The following UBE2F variants were observed in gnomAD, a reference collection of about 807,000 sequenced individuals.
UBE2F encodes ubiquitin conjugating enzyme E2 F (putative).
Under a neutral mutation model 29.6 loss-of-function variants are expected in UBE2F, and 5 were observed. That is an observed-to-expected ratio of 0.17 (90% CI 0.09 to 0.36). UBE2F has a LOEUF of 0.36. Among genes scored for constraint, UBE2F ranks in the 10% least tolerant of loss-of-function variants. The pLI, the probability that UBE2F is intolerant of heterozygous loss-of-function variation, is 1.00. For missense variants in UBE2F, 141 were observed against 228.5 expected (o/e 0.62, Z 2.47); for synonymous variants, 66 against 81.8 (o/e 0.81, Z 1.04).
chr2:237,982,133 C>T lies in UBE2F; in HGVS notation c.119-5830C>T, dbSNP rs2063391644. On this transcript the variant is annotated intron_variant, in intron 2 of 9. Transcript: ENST00000272930. This position sits in a 1 kb window ranked among gnomAD's most constrained non-coding sequence, Gnocchi z 4.1. ...GTAAATTGGTCCCTGACAAAGCTGT[C>T]AAATGTCAAACCAGCAAAACACTCC... Among the ~76,000 whole-genome samples the T allele has an allele frequency of 6.6e-6, 1 of 152,192 alleles. No individual in the cohort carries two copies. Among genetic ancestry groups the T allele is most frequent in the Non-Finnish European group, 1.5e-5 (1 of 68,038 alleles).
At chr2:238,017,412 G>A (rs10172855) in intron 5 of UBE2F, among the ~76,000 whole-genome samples, 6,765 of 152,252 alleles carry the variant, frequency 0.044, 523 homozygotes, top group African/African-American at 0.15. Flanking sequence ...ATGAGAACTT[G>A]CAACCTGCAG....
Position 238,032,266 on chromosome 2 carries a change from G to T in UBE2F, c.444+12G>T. 3.7e-6 allele frequency: 6 copies of T among 1,605,404 alleles called. No homozygotes were observed. In the South Asian group the frequency reaches 6.6e-5, roughly 18 times the overall value. ...ACTCTTTGTTTACTGTAAGTACAGT[G>T]ATCAAAATCCCAAGTTATTCTCAAT... On this transcript the variant is annotated intron_variant, in intron 8 of 9. Coordinates refer to ENST00000272930, the MANE Select transcript of UBE2F (RefSeq NM_080678.3).
intron 3 of UBE2F, among the ~76,000 whole-genome samples, chr2:237,990,220 T>G (rs1001660807): frequency 4.5e-4 from 67 of 149,144 alleles, no homozygotes; most frequent in Non-Finnish European, 4.7e-4. Context: ...CAAATAACTG[T>G]GGGGGGGCAG....
rs2064835784 is a variant in UBE2F at position 238,041,419 on chromosome 2, C to T, written c.*81C>T. 6 of 1,445,876 alleles carry T rather than the reference C, an allele frequency of 4.1e-6. No homozygotes were observed. The highest frequency in any genetic ancestry group is 2.3e-5 in the South Asian group (2 of 85,968). 89.6% of individuals were successfully genotyped at this position (1,445,876 alleles called of 1,614,324 possible). On this transcript the variant is annotated 3_prime_UTR_variant, in exon 10 of 10. Coordinates refer to ENST00000272930, the MANE Select transcript of UBE2F (RefSeq NM_080678.3). ...AACAGCAAGAGGTAGCCCCCTCTCC[C>T]GTCCTCATGCTCCCTCTCAGTCCCC...
chr2:237,993,988 A>G (rs1037460352), intron 3 of UBE2F, among the ~76,000 whole-genome samples: 9 of 152,292 alleles, frequency 5.9e-5, no homozygotes, highest in African/African-American at 1.9e-4. Context: ...TATTTTACCA[A>G]TAAAGCAAGC....
At chr2:237,995,320 A>G (rs1164265065) in intron 4 of UBE2F, among the ~76,000 whole-genome samples, 3 of 152,252 alleles carry the variant, frequency 2.0e-5, no homozygotes, top group Admixed American at 6.5e-5. Flanking sequence ...AGTAAGACGG[A>G]TAAGTGTCTA....
intron 4 of UBE2F, among the ~76,000 whole-genome samples, chr2:237,995,333 C>T (rs1431879056): frequency 6.6e-6 from 1 of 152,216 alleles, no homozygotes; most frequent in African/African-American, 2.4e-5. Context: ...AGTGTCTAAT[C>T]CCTAAGCTGC....
intron 3 of UBE2F, among the ~76,000 whole-genome samples, chr2:237,992,794 G>GCC (rs1004248361): frequency 2.0e-5 from 3 of 152,108 alleles, no homozygotes; most frequent in African/African-American, 7.2e-5. Flanking sequence ...CGTCTCTAAG[G>GCC]TCACCTCTGA....
intron 9 of UBE2F, among the ~76,000 whole-genome samples, chr2:238,037,731 G>A (rs1367616167): frequency 6.6e-6 from 1 of 152,130 alleles, no homozygotes; most frequent in African/African-American, 2.4e-5. Context: ...TCAGCCTCCT[G>A]AGTAGCTGGG....
chr2:238,008,459 T>C (rs1347805108), intron 4 of UBE2F, among the ~76,000 whole-genome samples: 3 of 152,246 alleles, frequency 2.0e-5, no homozygotes, highest in African/African-American at 2.4e-5. Flanking sequence ...TTTATTGATA[T>C]AATGTTCTTA....
intron 5 of UBE2F, among the ~76,000 whole-genome samples, chr2:238,020,666 A>G (rs2064270389): frequency 6.6e-6 from 1 of 152,166 alleles, no homozygotes; most frequent in Non-Finnish European, 1.5e-5. Context: ...ACCCCACCCA[A>G]TATCCCAGCA....
intron 4 of UBE2F, among the ~76,000 whole-genome samples, chr2:238,004,896 G>A (rs540913417): frequency 2.6e-5 from 4 of 152,318 alleles, no homozygotes; most frequent in African/African-American, 9.6e-5. Context: ...TCCCTCTGGA[G>A]ATGGAGGAAG....
intron 5 of UBE2F, among the ~76,000 whole-genome samples, chr2:238,022,614 C>T (rs952864950): frequency 6.6e-6 from 1 of 152,066 alleles, no homozygotes; most frequent in Non-Finnish European, 1.5e-5. Context: ...TTCTTCTAGT[C>T]CTATAATTCT....
chr2:237,978,099 C>G (rs1410002764), intron 2 of UBE2F, among the ~76,000 whole-genome samples: 1 of 152,174 alleles, frequency 6.6e-6, no homozygotes, highest in Non-Finnish European at 1.5e-5. Flanking sequence ...TCAGAGCTGT[C>G]CCCAGTCTGG....
chr2:238,027,801 T>C (rs2064468127), intron 6 of UBE2F, among the ~76,000 whole-genome samples: 1 of 152,198 alleles, frequency 6.6e-6, no homozygotes, highest in African/African-American at 2.4e-5. Context: ...TCATCAGCCC[T>C]TCCCACAGCA....
chr2:237,974,501 G>GTTTTT (rs370519965), intron 2 of UBE2F, among the ~76,000 whole-genome samples: 1 of 108,582 alleles, frequency 9.2e-6, no homozygotes, highest in Non-Finnish European at 1.7e-5. Context: ...AATTTTTGTG[G>GTTTTT]TTTTTTTTTT....
chr2:238,025,812 C>T (rs2064413813), intron 6 of UBE2F, among the ~76,000 whole-genome samples: 1 of 152,176 alleles, frequency 6.6e-6, no homozygotes. Context: ...AGATGGCAGG[C>T]TTGAGACGAC....
chr2:238,035,476 CTG>C (rs890173153), intron 8 of UBE2F: 1 of 192,022 alleles, frequency 5.2e-6, no homozygotes, highest in South Asian at 9.6e-5. Flanking sequence ...AAAGTCAAAA[CTG>C]TTAATCACAA....
At chr2:238,015,423 A>G (rs2064129711) in intron 4 of UBE2F, among the ~76,000 whole-genome samples, 1 of 152,248 alleles carries the variant, frequency 6.6e-6, no homozygotes, top group Admixed American at 6.5e-5. Flanking sequence ...CAATAATCAT[A>G]TAAATTTTAG....
Sources: gnomAD v4.1 joint callset for allele counts (sites outside exome capture counted in the v4.1 genomes callset) on GRCh38, gnomAD v4.1.1 for gene constraint, Gnocchi (gnomAD v3.1) non-coding constraint, MANE v1.5 for transcripts, NCBI Gene and HGNC (gene_info 2026-07-23, HGNC 2026-07-21) for gene names.